The following ROBO2 variants were observed in gnomAD, a reference collection of about 807,000 sequenced individuals.
ROBO2 encodes roundabout homolog 2.
In ROBO2, 53 loss-of-function variants were observed where a neutral mutation model predicts 160.8. That is an observed-to-expected ratio of 0.33 (90% CI 0.26 to 0.41). ROBO2 has a LOEUF of 0.41. ROBO2 is among the 10% of genes least tolerant of loss of function. The pLI is 1.00. For missense variants in ROBO2, 1,577 were observed against 1,722.4 expected, an observed-to-expected ratio of 0.92 and a Z score of 1.49; for synonymous variants, 664 against 611.7, an observed-to-expected ratio of 1.09 and a Z score of -1.26.
At chr3:77,478,785 A>AG (rs2084339891) in intron 3 of ROBO2, among the ~76,000 whole-genome samples, 1 of 152,234 alleles carries the variant, frequency 6.6e-6, no homozygotes, top group Admixed American at 6.5e-5. Flanking sequence ...CTCTGTGCAC[A>AG]GTGAGATTAC....
rs368362795 is a variant in ROBO2 at position 76,523,089 on chromosome 3, T to C, written c.110-574925T>C. Among the ~76,000 whole-genome samples, 43 of 150,578 alleles carry C rather than the reference T, an allele frequency of 2.9e-4. 2 individuals are homozygous for C. The highest frequency in any genetic ancestry group is 2.7e-3 in the South Asian group (13 of 4,802). On this transcript the variant is annotated intron_variant, in intron 2 of 26. Coordinates refer to the ROBO2 transcript ENST00000487694. ...TACAGCTAGTACTGCAAGTGGAAAA[T>C]TTTGGTCCTTTTTCCTCTAAAGAGG...
intron 2 of ROBO2, among the ~76,000 whole-genome samples, chr3:76,713,748 T>C (rs926882349): frequency 6.6e-6 from 1 of 152,162 alleles, no homozygotes; most frequent in African/African-American, 2.4e-5. Context: ...TTATTCAACA[T>C]TAACAACATG....
intron 2 of ROBO2, among the ~76,000 whole-genome samples, chr3:76,370,554 G>A (rs2076052426): frequency 6.6e-6 from 1 of 151,612 alleles, no homozygotes; most frequent in African/African-American, 2.4e-5. Context: ...TAACCCCATG[G>A]CCTAGAAAGT....
intron 2 of ROBO2, chr3:77,316,800 G>T: frequency 7.7e-7 from 1 of 1,290,452 alleles, no homozygotes; most frequent in Non-Finnish European, 1.1e-6. Context: ...CACCAGCCTT[G>T]ACGTTCTTGC....
At chr3:77,226,992 A>G (rs1580178546) in intron 2 of ROBO2, among the ~76,000 whole-genome samples, 1 of 152,246 alleles carries the variant, frequency 6.6e-6, no homozygotes, top group East Asian at 1.9e-4. Context: ...TTCAATTGTG[A>G]TGTCAAAGTA....
chr3:77,360,618 G>A (rs546765267), intron 2 of ROBO2, among the ~76,000 whole-genome samples: 67 of 151,098 alleles, frequency 4.4e-4, no homozygotes, highest in Middle Eastern at 3.5e-3. Flanking sequence ...TTCTTTTCCA[G>A]TTGACTTTTT....
chr3:77,582,366 T>C (rs1057325641), intron 16 of ROBO2, among the ~76,000 whole-genome samples: 2 of 152,198 alleles, frequency 1.3e-5, no homozygotes, highest in Non-Finnish European at 2.9e-5. Context: ...CTCCCAGGCA[T>C]GAGCCACCTC....
At chr3:76,394,890 C>T (rs1462095904) in intron 2 of ROBO2, among the ~76,000 whole-genome samples, 2 of 149,884 alleles carry the variant, frequency 1.3e-5, no homozygotes, top group South Asian at 4.3e-4. Flanking sequence ...GAATTTAACA[C>T]CCCACTGTCA....
At position 77,358,627 on chromosome 3, in the gene ROBO2, A is replaced by C. The variant is rs2069473686; in HGVS notation, c.389-118787A>C. Among the ~76,000 whole-genome samples, 6 of 152,352 alleles carry C rather than the reference A, an allele frequency of 3.9e-5. No individual in the cohort carries two copies. The South Asian group carries it at 1.2e-3, about 32-fold the overall frequency. The stretch of plus-strand genomic sequence containing the variant: ...TATGTTAAATGTATAAATAACTATG[A>C]GTATATATCCACGTGCATCTACGCA... On this transcript the variant is annotated intron_variant, in intron 2 of 25. Coordinates refer to ENST00000461745, the Ensembl canonical transcript of ROBO2.
intron 2 of ROBO2, among the ~76,000 whole-genome samples, chr3:76,941,358 T>A (rs1429566252): frequency 1.3e-5 from 2 of 152,158 alleles, no homozygotes. Flanking sequence ...TCATTTCAAA[T>A]GTTTTATTAT....
chr3:77,542,240 A>G (rs975035956), intron 6 of ROBO2, among the ~76,000 whole-genome samples: 4 of 152,358 alleles, frequency 2.6e-5, no homozygotes, highest in African/African-American at 9.6e-5. Flanking sequence ...TCTAGGGCAG[A>G]CAGAGAGTCT....
chr3:77,440,142 T>C (rs927927880), intron 2 of ROBO2, among the ~76,000 whole-genome samples: 2 of 152,178 alleles, frequency 1.3e-5, no homozygotes, highest in Non-Finnish European at 2.9e-5. Context: ...AGAGTAACAA[T>C]AAAAGATGGT....
At chr3:76,412,320 C>T (rs1016000710) in intron 2 of ROBO2, among the ~76,000 whole-genome samples, 8 of 152,174 alleles carry the variant, frequency 5.3e-5, no homozygotes, top group African/African-American at 1.9e-4. Context: ...ACAGCCAAAC[C>T]ATATCATTCT....
At chr3:77,171,380 A>G (rs922834032) in intron 2 of ROBO2, among the ~76,000 whole-genome samples, 1 of 152,214 alleles carries the variant, frequency 6.6e-6, no homozygotes. Flanking sequence ...AACTGATCTT[A>G]GAAATTTTGG....
chr3:76,740,041 A>G (rs934463879), intron 2 of ROBO2, among the ~76,000 whole-genome samples: 9 of 152,322 alleles, frequency 5.9e-5, no homozygotes, highest in African/African-American at 2.2e-4. Flanking sequence ...ATAACACTGT[A>G]TCCTAAACAA....
intron 2 of ROBO2, among the ~76,000 whole-genome samples, chr3:77,410,657 T>TTCTTCCTCCTCC (rs1208400903): frequency 1.5e-5 from 1 of 66,336 alleles, no homozygotes; most frequent in Non-Finnish European, 2.9e-5. Context: ...TCTCCTCCTC[T>TTCTTCCTCCTCC]TCTTCCTCCT....
At chr3:76,604,315 G>A (rs759196732) in intron 2 of ROBO2, among the ~76,000 whole-genome samples, 4 of 152,076 alleles carry the variant, frequency 2.6e-5, no homozygotes, top group Non-Finnish European at 5.9e-5. Context: ...ACATAAGTCA[G>A]CTAAAAAGAT....
At chr3:75,994,402 C>A (rs568766115) in intron 2 of ROBO2, among the ~76,000 whole-genome samples, 1 of 152,140 alleles carries the variant, frequency 6.6e-6, no homozygotes, top group African/African-American at 2.4e-5. Flanking sequence ...GGGAGGGACC[C>A]AGTGGGAGGT....
chr3:77,307,101 T>C (rs1016066376), intron 2 of ROBO2, among the ~76,000 whole-genome samples: 2 of 152,164 alleles, frequency 1.3e-5, no homozygotes, highest in Non-Finnish European at 2.9e-5. Context: ...GTCTGAGAAA[T>C]AGGGCACTTT....
Sources: allele counts gnomAD v4.1 joint callset (sites outside exome capture counted in the v4.1 genomes callset), GRCh38; gene constraint gnomAD v4.1.1; transcripts MANE v1.5; gene names NCBI Gene and HGNC (gene_info 2026-07-23, HGNC 2026-07-21).